TCF4: variants seen among roughly 807,000 people sequenced by gnomAD.
The protein encoded by TCF4 is SL3-3 enhancer factor 2.
In TCF4, 3 loss-of-function variants were observed where a neutral mutation model predicts 82.1. The ratio of observed to expected loss-of-function variants is 0.04; its 90% CI spans 0.02 to 0.09. The LOEUF is 0.09. Among genes scored for constraint, TCF4 ranks in the 10% least tolerant of loss-of-function variants. The pLI, the probability that TCF4 is intolerant of heterozygous loss-of-function variation, is 1.00. For synonymous variants in TCF4, 276 were observed against 309.6 expected (o/e 0.89, Z 1.14); for missense variants, 518 against 852.7 (o/e 0.61, Z 4.89).
chr18:55,283,263 T>C (rs576115567), intron 8 of TCF4, among the ~76,000 whole-genome samples: 22 of 152,148 alleles, frequency 1.4e-4, no homozygotes, highest in Non-Finnish European at 1.2e-4. Flanking sequence ...TTTCCAACTA[T>C]TATTTCTGCA....
Position 55,224,996 on chromosome 18 carries a change from A to C in TCF4, c.*3039T>G, listed in dbSNP as rs2144273985. The C allele has an allele frequency of 6.6e-6, 1 of 152,302 alleles. No individual in the cohort carries two copies. Among genetic ancestry groups the C allele is most frequent in the East Asian group, 1.9e-4 (1 of 5,192 alleles). The allele number at this position is 152,302 out of a possible 1,614,324, so 9.4% of individuals were successfully genotyped here. ...TCTGCTGAACTTCATTTGAAAATCC[A>C]GTGCAGGATACCAATATCTTACCTG... On this transcript the variant is annotated 3_prime_UTR_variant, in exon 20 of 20. Coordinates refer to ENST00000354452, the MANE Select transcript of TCF4 (RefSeq NM_001083962.2).
chr18:55,434,108 C>T (rs2095269383), intron 5 of TCF4, among the ~76,000 whole-genome samples: 2 of 152,102 alleles, frequency 1.3e-5, no homozygotes, highest in South Asian at 2.1e-4. Context: ...GGCAAATAAA[C>T]GAAAGCAAAT....
chr18:55,619,008 C>T (rs975282225), intron 2 of TCF4, among the ~76,000 whole-genome samples: 1 of 151,912 alleles, frequency 6.6e-6, no homozygotes, highest in Non-Finnish European at 1.5e-5. Context: ...GGTATCAGAG[C>T]AGTGCTGGAT....
rs1182474857 is a variant in TCF4, at chr18:55,222,646, T to C, written c.*5389A>G. The C allele has an allele frequency of 6.6e-6, 1 of 152,616 alleles. No individual in the cohort carries two copies. Among genetic ancestry groups the C allele is most frequent in the Non-Finnish European group, 1.5e-5 (1 of 68,030 alleles). 9.5% of individuals were successfully genotyped at this position (152,616 alleles called of 1,614,324 possible). On this transcript the variant is annotated 3_prime_UTR_variant, in exon 20 of 20. Coordinates refer to ENST00000354452, the MANE Select transcript of TCF4 (RefSeq NM_001083962.2). ...CCACGTACTTGATTAGAACATTCTG[T>C]TATGAAGCGCTCAGCTACCGCGGGC...
At chr18:55,313,926 G>C (rs891828842) in intron 8 of TCF4, among the ~76,000 whole-genome samples, 12 of 151,994 alleles carry the variant, frequency 7.9e-5, no homozygotes, top group African/African-American at 2.9e-4. Flanking sequence ...ACTTCAATGA[G>C]TTTGACATTT....
chr18:55,364,714 G>A (rs1377273385), intron 6 of TCF4, among the ~76,000 whole-genome samples: 1 of 152,156 alleles, frequency 6.6e-6, no homozygotes, highest in Non-Finnish European at 1.5e-5. Context: ...AGATATTCAA[G>A]AGCCTTCTAC....
intron 8 of TCF4, among the ~76,000 whole-genome samples, chr18:55,301,729 G>T (rs935511845): frequency 1.4e-5 from 2 of 138,126 alleles, no homozygotes; most frequent in Non-Finnish European, 3.0e-5. Flanking sequence ...AACAGAAGAG[G>T]ATGATGATGA....
chr18:55,442,246 T>C (rs4801155), intron 5 of TCF4, among the ~76,000 whole-genome samples: 145,578 of 152,300 alleles, frequency 0.96, 69,946 homozygotes, highest in East Asian at 1. Flanking sequence ...ATGTGCAGAA[T>C]GTGCTTCCAA....
chr18:55,248,902 G>A (rs914070675), intron 15 of TCF4, among the ~76,000 whole-genome samples: 1 of 152,140 alleles, frequency 6.6e-6, no homozygotes, highest in Non-Finnish European at 1.5e-5. Context: ...GCACCACCAT[G>A]CCCGGCTAAT....
chr18:55,484,698 T>A (rs2096490853), intron 3 of TCF4, among the ~76,000 whole-genome samples: 1 of 152,228 alleles, frequency 6.6e-6, no homozygotes, highest in Non-Finnish European at 1.5e-5. Context: ...GTACCCCATG[T>A]GTTGTGGTAG....
At chr18:55,629,862 G>A (rs568195785) in intron 2 of TCF4, among the ~76,000 whole-genome samples, 17 of 152,226 alleles carry the variant, frequency 1.1e-4, no homozygotes, top group Non-Finnish European at 2.2e-4. Flanking sequence ...GGACCACGGG[G>A]CTTTTGTAAA....
In TCF4 at chr18:55,226,091, T is replaced by C. The variant is rs1435066165; in HGVS notation, c.*1944A>G. 6.6e-6 allele frequency: 1 copy of C among 152,554 alleles called. No homozygotes were observed. Among genetic ancestry groups the C allele is most frequent in the Non-Finnish European group, 1.5e-5 (1 of 67,988 alleles). 9.5% of individuals were successfully genotyped at this position (152,554 alleles called of 1,614,324 possible). On this transcript the variant is annotated 3_prime_UTR_variant, in exon 20 of 20. Transcript: ENST00000354452. ...TAACAAGAGTCTACATGTAAAAATA[T>C]AACTTTTACATACACAATTTCAAAA...
chr18:55,444,444 G>A (rs143456705), intron 5 of TCF4, among the ~76,000 whole-genome samples: 1 of 152,300 alleles, frequency 6.6e-6, no homozygotes, highest in African/African-American at 2.4e-5. Context: ...TACAAGGTGT[G>A]ATTAAACCAT....
At chr18:55,588,509 G>T (rs753396088), upstream of TCF4, 34 of 1,534,886 alleles carry the variant, frequency 2.2e-5, no homozygotes, top group East Asian at 7.3e-5. Context: ...TCTGAAGCCT[G>T]AACAGTTCAG....
intron 5 of TCF4, among the ~76,000 whole-genome samples, chr18:55,451,930 T>C (rs1325886486): frequency 6.6e-6 from 1 of 152,176 alleles, no homozygotes; most frequent in Non-Finnish European, 1.5e-5. Flanking sequence ...CACTTGAGCC[T>C]AGGTGTTTGA....
intron 5 of TCF4, among the ~76,000 whole-genome samples, chr18:55,457,964 ATAAT>A (rs1416071815): frequency 6.6e-6 from 1 of 152,242 alleles, no homozygotes; most frequent in Non-Finnish European, 1.5e-5. Context: ...AACAAAATAC[ATAAT>A]TAATGATAAT....
chr18:55,399,484 G>A (rs2093677210), intron 6 of TCF4, among the ~76,000 whole-genome samples: 1 of 152,130 alleles, frequency 6.6e-6, no homozygotes, highest in Non-Finnish European at 1.5e-5. Context: ...TAAAGCCTTG[G>A]ACTTCACTAG....
intron 6 of TCF4, among the ~76,000 whole-genome samples, chr18:55,392,665 A>G (rs2093227705): frequency 6.6e-6 from 1 of 152,126 alleles, no homozygotes; most frequent in African/African-American, 2.4e-5. Context: ...AGTTATACAC[A>G]GTTCATCTGA....
intron 8 of TCF4, among the ~76,000 whole-genome samples, chr18:55,323,706 G>A (rs1261741195): frequency 6.6e-6 from 1 of 152,160 alleles, no homozygotes; most frequent in Non-Finnish European, 1.5e-5. Context: ...CACAAGGCCA[G>A]GGTACCCACC....
Sources: allele counts gnomAD v4.1 joint callset (sites outside exome capture counted in the v4.1 genomes callset), GRCh38; gene constraint gnomAD v4.1.1; transcripts MANE v1.5; gene names NCBI Gene and HGNC (gene_info 2026-07-23, HGNC 2026-07-21).